KAZN: variants seen among roughly 807,000 people sequenced by gnomAD.
KAZN encodes kazrin, periplakin interacting protein.
In KAZN, 40 loss-of-function variants were observed where a neutral mutation model predicts 87.4. That is an observed-to-expected ratio of 0.46 (90% CI 0.36 to 0.60). The LOEUF (loss-of-function observed/expected upper bound fraction) is 0.60, where lower values mean the gene tolerates loss of function less well. Ranked by LOEUF, KAZN falls within the 20% of genes least tolerant of loss-of-function variation. The probability of loss-of-function intolerance (pLI) is 0.00; values close to 1 mark genes in which losing one functional copy is unlikely to be tolerated. For missense variants in KAZN, 898 were observed against 1,073.9 expected, an observed-to-expected ratio of 0.84 and a Z score of 2.29; for synonymous variants, 466 against 458.3, an observed-to-expected ratio of 1.02 and a Z score of -0.22.
rs1641161999 is a variant in KAZN at position 15,103,466 on chromosome 1, G to A, written c.1881+6G>A. On this transcript the variant is annotated splice_donor_region_variant and intron_variant, in intron 12 of 14. Transcript: ENST00000376030. ...TTCGAGACATCGACCTGAAGGTGAG[G>A]GTGATAGCGGAGGTCGGGGTGACTC... is the stretch of plus-strand genomic sequence containing the variant. The A allele has an allele frequency of 1.9e-6, 3 of 1,542,426 alleles. No individual in the cohort carries two copies. Among genetic ancestry groups the A allele is most frequent in the Non-Finnish European group, 1.8e-6 (2 of 1,141,422 alleles).
At chr1:14,941,618 C>G (rs1661090664) in intron 1 of KAZN, among the ~76,000 whole-genome samples, 1 of 152,070 alleles carries the variant, frequency 6.6e-6, no homozygotes, top group East Asian at 1.9e-4. Context: ...TAGCTTTCTG[C>G]AGGTGTACAT....
At position 14,961,996 on chromosome 1, in the gene KAZN, C is replaced by T. The variant is rs770568900; in HGVS notation, c.418+1121C>T. Among the ~76,000 whole-genome samples, 100 of 152,344 alleles carry T rather than the reference C, an allele frequency of 6.6e-4. 1 individual carries two copies. The highest frequency in any genetic ancestry group is 2.9e-4 in the Non-Finnish European group (20 of 68,040). ...CCTTTGCAAGAGCTTGGTCATGTGA[C>T]CATTCCTAGATGCAGAGGGTTCTGG... On this transcript the variant is annotated intron_variant, in intron 2 of 14. Coordinates refer to ENST00000376030, the MANE Select transcript of KAZN (RefSeq NM_201628.3).
intron 1 of KAZN, among the ~76,000 whole-genome samples, chr1:14,631,332 C>T (rs1371630846): frequency 6.6e-6 from 1 of 152,188 alleles, no homozygotes; most frequent in Non-Finnish European, 1.5e-5. Context: ...TGGATCAAGC[C>T]CCCATCCTTG....
intron 1 of KAZN, among the ~76,000 whole-genome samples, chr1:14,033,017 A>T (rs1002066002): frequency 2.6e-5 from 4 of 151,870 alleles, no homozygotes; most frequent in African/African-American, 9.7e-5. Context: ...GCATTTTCTC[A>T]CCTCTGGGCC....
intron 3 of KAZN, among the ~76,000 whole-genome samples, chr1:15,041,341 T>TTTTGTTTTTG (rs1553178783): frequency 2.7e-5 from 4 of 146,586 alleles, no homozygotes; most frequent in Non-Finnish European, 4.5e-5. Context: ...CTTTTTTTTT[T>TTTTGTTTTTG]TTTTTGTTTT....
intron 2 of KAZN, among the ~76,000 whole-genome samples, chr1:14,360,741 C>A (rs1659433814): frequency 6.6e-6 from 1 of 152,184 alleles, no homozygotes; most frequent in Admixed American, 6.5e-5. Context: ...CACTCCAGAC[C>A]CTCTTTGCCT....
At chr1:14,544,534 G>A (rs986586567) in intron 2 of KAZN, among the ~76,000 whole-genome samples, 4 of 151,520 alleles carry the variant, frequency 2.6e-5, no homozygotes, top group East Asian at 1.9e-4. Flanking sequence ...GTCTCCCTTC[G>A]TGCCTGGGAA....
intron 2 of KAZN, among the ~76,000 whole-genome samples, chr1:14,414,443 CATA>C (rs1363268000): frequency 6.6e-6 from 1 of 151,470 alleles, no homozygotes; most frequent in Admixed American, 6.6e-5. Flanking sequence ...AGTGTACTCA[CATA>C]ATGTCATACA....
chr1:15,112,326 C>T, intron 13 of KAZN, 101 bp from the exon 14 acceptor site: 1 of 709,306 alleles, frequency 1.4e-6, no homozygotes, highest in Non-Finnish European at 2.5e-6. Flanking sequence ...GTCATTGTCA[C>T]CAATGTGTGT....
Position 14,374,454 on chromosome 1 carries a change from C to T in KAZN, c.249+193862C>T, listed in dbSNP as rs944647295. The stretch of plus-strand genomic sequence containing the variant: ...CCCTTCAGGCAAGGATGAGGAGCTT[C>T]GGGAAAATATCTTAGCCAAACCTCT... On this transcript the variant is annotated intron_variant, in intron 2 of 16. Transcript: ENST00000636203. Among the ~76,000 whole-genome samples the T allele has an allele frequency of 3.2e-4, 48 of 152,186 alleles. 1 individual carries two copies. Among genetic ancestry groups the T allele is most frequent in the African/African-American group, 1.0e-3 (43 of 41,434 alleles).
chr1:14,133,691 G>A (rs1448701920), intron 1 of KAZN, among the ~76,000 whole-genome samples: 1 of 152,030 alleles, frequency 6.6e-6, no homozygotes, highest in Non-Finnish European at 1.5e-5. Context: ...TTCTCCAAGG[G>A]GTTTGTTGAT....
chr1:14,699,216 G>A (rs1374116067), intron 1 of KAZN, among the ~76,000 whole-genome samples: 1 of 152,238 alleles, frequency 6.6e-6, no homozygotes, highest in Non-Finnish European at 1.5e-5. Context: ...AGCTGTCCTC[G>A]TTGATAAACT....
At chr1:14,705,022 A>C (rs940902726) in intron 1 of KAZN, among the ~76,000 whole-genome samples, 1 of 152,192 alleles carries the variant, frequency 6.6e-6, no homozygotes, top group African/African-American at 2.4e-5. Context: ...CCATAACAAA[A>C]CACCACAGAC....
At chr1:14,312,987 TGA>T (rs1655406250) in intron 2 of KAZN, among the ~76,000 whole-genome samples, 1 of 152,138 alleles carries the variant, frequency 6.6e-6, no homozygotes, top group African/African-American at 2.4e-5. Context: ...ACAGAAACTG[TGA>T]GATTGTAAAT....
At chr1:14,597,829 A>C (rs540822447), upstream of KAZN, among the ~76,000 whole-genome samples, 1 of 152,254 alleles carries the variant, frequency 6.6e-6, no homozygotes, top group East Asian at 1.9e-4. Flanking sequence ...CCCCAGTGAA[A>C]AATGCAAAGC....
chr1:14,830,809 T>G (rs2100875273), intron 1 of KAZN, among the ~76,000 whole-genome samples: 1 of 152,226 alleles, frequency 6.6e-6, no homozygotes, highest in South Asian at 2.1e-4. Flanking sequence ...CCCACAACAC[T>G]GGGGATTACA....
At chr1:14,569,936 C>T (rs1674761255) in intron 2 of KAZN, among the ~76,000 whole-genome samples, 1 of 151,818 alleles carries the variant, frequency 6.6e-6, no homozygotes, top group Admixed American at 6.6e-5. Flanking sequence ...TATGGTGAAA[C>T]CCCGTTTCTA....
chr1:14,093,559 C>T lies in KAZN; in HGVS notation c.92-86876C>T, dbSNP rs146546653. Among the ~76,000 whole-genome samples, 37 of 152,168 alleles carry T rather than the reference C, an allele frequency of 2.4e-4. 1 individual carries two copies. The East Asian group carries it at 6.6e-3, about 27-fold the overall frequency. On this transcript the variant is annotated intron_variant, in intron 1 of 16. Coordinates refer to the KAZN transcript ENST00000636203. ...ATTCCTCTTGCTTCACTTCCTAAGA[C>T]TTTAGATTCACTGTCCAAGAAAAGC...
chr1:13,919,717 G>A (rs1639992222), intron 1 of KAZN, among the ~76,000 whole-genome samples: 1 of 152,126 alleles, frequency 6.6e-6, no homozygotes, highest in Non-Finnish European at 1.5e-5. Flanking sequence ...TATATATAGT[G>A]TGCATGCCAG....
Sources: gnomAD v4.1 joint callset for allele counts (sites outside exome capture counted in the v4.1 genomes callset) on GRCh38, gnomAD v4.1.1 for gene constraint, MANE v1.5 for transcripts, NCBI Gene and HGNC (gene_info 2026-07-23, HGNC 2026-07-21) for gene names.